CLVS1: variants seen among roughly 807,000 people sequenced by gnomAD.
The protein encoded by CLVS1 is clavesin 1.
CLVS1 carries 10 observed loss-of-function variants against 33.1 expected under a neutral mutation model. The ratio of observed to expected loss-of-function variants is 0.30; its 90% CI spans 0.19 to 0.51. The LOEUF (loss-of-function observed/expected upper bound fraction) is 0.51, where lower values mean the gene tolerates loss of function less well. Among genes scored for constraint, CLVS1 ranks in the 20% least tolerant of loss-of-function variants. The pLI, the probability that CLVS1 is intolerant of heterozygous loss-of-function variation, is 0.97. For missense variants in CLVS1, 343 were observed against 433.4 expected, an observed-to-expected ratio of 0.79 and a Z score of 1.85; for synonymous variants, 163 against 166.1, an observed-to-expected ratio of 0.98 and a Z score of 0.14.
intron 3 of CLVS1, among the ~76,000 whole-genome samples, chr8:61,386,689 C>T (rs1814097498): frequency 6.6e-6 from 1 of 152,042 alleles, no homozygotes; most frequent in African/African-American, 2.4e-5. Flanking sequence ...GCAAAATAAC[C>T]ATAGGGAATG....
chr8:61,075,744 G>T (rs1804898537), intron 1 of CLVS1, among the ~76,000 whole-genome samples: 2 of 152,142 alleles, frequency 1.3e-5, no homozygotes, highest in South Asian at 4.1e-4. Context: ...GATTGCCCAT[G>T]CAGTGTGGCT....
intron 2 of CLVS1, among the ~76,000 whole-genome samples, chr8:61,270,746 AGT>A (rs1563471092): frequency 6.6e-6 from 1 of 151,236 alleles, no homozygotes; most frequent in Middle Eastern, 3.4e-3. Context: ...CTCTTGGGAG[AGT>A]GTATGTGTCG....
intron 2 of CLVS1, among the ~76,000 whole-genome samples, chr8:61,347,493 A>T (rs919840781): frequency 2.6e-5 from 4 of 151,544 alleles, no homozygotes; most frequent in African/African-American, 9.7e-5. Flanking sequence ...ATATTAATAT[A>T]TGTTGGTCAA....
At chr8:61,193,952 C>T (rs72654681) in intron 2 of CLVS1, among the ~76,000 whole-genome samples, 10,655 of 151,938 alleles carry the variant, frequency 0.07, 484 homozygotes, top group East Asian at 0.15. Flanking sequence ...GAAAGGAATC[C>T]ATTCTAAGTA....
chr8:61,074,005 G>A (rs1336275704), intron 1 of CLVS1, among the ~76,000 whole-genome samples: 6 of 93,168 alleles, frequency 6.4e-5, no homozygotes, highest in South Asian at 7.3e-4. Context: ...GTGAGACTCC[G>A]TCTCAAAAAA....
chr8:61,262,377 C>A (rs551562355), intron 2 of CLVS1, among the ~76,000 whole-genome samples: 6 of 152,146 alleles, frequency 3.9e-5, no homozygotes, highest in Middle Eastern at 3.4e-3. Context: ...ACAGAGTCCA[C>A]TCATCAAACG....
intron 1 of CLVS1, among the ~76,000 whole-genome samples, chr8:61,121,063 T>C (rs1167306361): frequency 1.3e-5 from 2 of 151,554 alleles, no homozygotes; most frequent in Non-Finnish European, 2.9e-5. Flanking sequence ...AGGTGCGGGG[T>C]ATAATCTCGT....
chr8:61,211,360 C>T (rs1162889331), intron 2 of CLVS1, among the ~76,000 whole-genome samples: 1 of 150,582 alleles, frequency 6.6e-6, no homozygotes, highest in Non-Finnish European at 1.5e-5. Context: ...TCTCTTCCCC[C>T]TCCTTCTCCT....
chr8:60,974,850 C>T, the CLVS1 span, among the ~76,000 whole-genome samples: 2 of 151,854 alleles, frequency 1.3e-5, no homozygotes, highest in African/African-American at 4.8e-5. Context: ...TTTGTTATGG[C>T]TTAGAAGAGA....
At chr8:60,983,583 G>T in the CLVS1 span, among the ~76,000 whole-genome samples, 1 of 152,044 alleles carries the variant, frequency 6.6e-6, no homozygotes, top group Admixed American at 6.5e-5. Flanking sequence ...AGGGTGTGAG[G>T]TGCCCCCAGG....
intron 1 of CLVS1, among the ~76,000 whole-genome samples, chr8:61,063,260 CGAGAGAGAGAGAGAGA>C (rs555022524): frequency 1.2e-5 from 1 of 81,994 alleles, no homozygotes; most frequent in Non-Finnish European, 2.1e-5. Context: ...AGTGAGGAAG[CGAGAGAGAGAGAGAGA>C]GAGAGAGAGA....
intron 1 of CLVS1, among the ~76,000 whole-genome samples, chr8:61,088,730 T>C (rs1805173220): frequency 6.6e-6 from 1 of 152,110 alleles, no homozygotes; most frequent in South Asian, 2.1e-4. Flanking sequence ...TCCATCCCAT[T>C]TTAGAAATGT....
chr8:61,254,816 G>A (rs1289547629), intron 2 of CLVS1, among the ~76,000 whole-genome samples: 1 of 152,164 alleles, frequency 6.6e-6, no homozygotes, highest in African/African-American at 2.4e-5. Flanking sequence ...GGTGCCCTCT[G>A]TCACCCCTTT....
At chr8:61,451,812 CAGAGAGAGAGAGAGAGAGAG>C (rs71257362) in intron 3 of CLVS1, among the ~76,000 whole-genome samples, 1 of 142,850 alleles carries the variant, frequency 7.0e-6, no homozygotes, top group African/African-American at 2.6e-5. Context: ...CACACACACA[CAGAGAGAGAGAGAGAGAGAG>C]AGAGAGAGAG....
intron 5 of CLVS1, among the ~76,000 whole-genome samples, chr8:61,493,905 G>C (rs1401740882): frequency 6.6e-6 from 1 of 152,156 alleles, no homozygotes; most frequent in Non-Finnish European, 1.5e-5. Context: ...GTAGCTGGGT[G>C]CTCTATGACT....
At chr8:61,340,482 T>A (rs1811992819) in intron 2 of CLVS1, among the ~76,000 whole-genome samples, 1 of 152,196 alleles carries the variant, frequency 6.6e-6, no homozygotes, top group African/African-American at 2.4e-5. Flanking sequence ...TACAATGTCT[T>A]CCAGGTTCAT....
chr8:61,356,938 C>A (rs1367052118), intron 2 of CLVS1, among the ~76,000 whole-genome samples: 1 of 152,114 alleles, frequency 6.6e-6, no homozygotes, highest in Non-Finnish European at 1.5e-5. Flanking sequence ...TAGTTTTTTC[C>A]AATTCTGTGA....
intron 3 of CLVS1, among the ~76,000 whole-genome samples, chr8:61,433,189 A>G (rs746103363): frequency 2.4e-4 from 36 of 152,188 alleles, no homozygotes; most frequent in Admixed American, 6.5e-5. Context: ...CCTGGGTCCA[A>G]GTGATCCACC....
At chr8:61,318,971 A>G (rs894458131) in intron 2 of CLVS1, among the ~76,000 whole-genome samples, 5 of 152,120 alleles carry the variant, frequency 3.3e-5, no homozygotes, top group Non-Finnish European at 4.4e-5. Context: ...TTCTATTTGA[A>G]TATTTTAATA....
Sources: gnomAD v4.1 joint callset for allele counts (sites outside exome capture counted in the v4.1 genomes callset) on GRCh38, gnomAD v4.1.1 for gene constraint, MANE v1.5 for transcripts, NCBI Gene and HGNC (gene_info 2026-07-23, HGNC 2026-07-21) for gene names.